The following CNBD1 variants were observed in gnomAD, a reference collection of about 807,000 sequenced individuals.
CNBD1 encodes the protein cyclic nucleotide-binding domain-containing protein 1.
A neutral mutation model predicts 54.4 loss-of-function variants in CNBD1; 71 were observed. That is an observed-to-expected ratio of 1.30 (90% CI 1.08 to 1.59). CNBD1 has a LOEUF of 1.59. Ranked by LOEUF, CNBD1 falls within the 40% of genes most tolerant of loss-of-function variation. CNBD1 has a pLI of 0.00. For missense variants in CNBD1, 659 were observed against 518.0 expected, an observed-to-expected ratio of 1.27 and a Z score of -2.64; for synonymous variants, 182 against 170.7, an observed-to-expected ratio of 1.07 and a Z score of -0.51.
At chr8:87,063,689 A>T (rs1586231404) in intron 4 of CNBD1, among the ~76,000 whole-genome samples, 1 of 151,998 alleles carries the variant, frequency 6.6e-6, no homozygotes, top group African/African-American at 2.4e-5. Context: ...TTATCTATAT[A>T]TTTATTTGAG....
At chr8:87,277,038 A>G (rs573673896) in intron 6 of CNBD1, among the ~76,000 whole-genome samples, 3 of 151,308 alleles carry the variant, frequency 2.0e-5, no homozygotes, top group Non-Finnish European at 4.4e-5. Flanking sequence ...TCCTTCTTAC[A>G]TTTATGAAAG....
intron 6 of CNBD1, among the ~76,000 whole-genome samples, chr8:87,263,170 TA>T (rs894761242): frequency 3.3e-5 from 5 of 152,176 alleles, no homozygotes; most frequent in Admixed American, 3.3e-4. Flanking sequence ...TTCTTCCAAT[TA>T]AAAATAATGT....
At chr8:87,280,048 T>G (rs1289182657) in intron 6 of CNBD1, among the ~76,000 whole-genome samples, 1 of 151,514 alleles carries the variant, frequency 6.6e-6, no homozygotes, top group Admixed American at 6.6e-5. Flanking sequence ...TCCAGAAAAT[T>G]TCTATTTAAG....
At position 87,416,192 on chromosome 8, in the gene CNBD1, A is replaced by T. The variant is rs549570658; in HGVS notation, c.214-12354A>T. Among the ~76,000 whole-genome samples, 3 of 152,156 alleles carry T rather than the reference A, an allele frequency of 2.0e-5. No homozygotes were observed. The South Asian group carries it at 6.2e-4, about 31-fold the overall frequency. On this transcript the variant is annotated intron_variant, in intron 2 of 7. Coordinates refer to the CNBD1 transcript ENST00000521593. Reference sequence around the variant, plus strand: ...AAACACACAAAAAATCCACAATTCTAATCAGGAATGTAATAAACCTCTTGC... The same window carrying T: ...AAACACACAAAAAATCCACAATTCTTATCAGGAATGTAATAAACCTCTTGC...
At chr8:87,149,996 A>G (rs1316384691) in intron 4 of CNBD1, among the ~76,000 whole-genome samples, 4 of 151,998 alleles carry the variant, frequency 2.6e-5, no homozygotes, top group African/African-American at 9.7e-5. Flanking sequence ...TAATACGGTA[A>G]AACCACGTCT....
At chr8:87,310,235 A>G (rs1291109601) in intron 8 of CNBD1, among the ~76,000 whole-genome samples, 1 of 152,096 alleles carries the variant, frequency 6.6e-6, no homozygotes, top group Admixed American at 6.6e-5. Context: ...CACATGCTAT[A>G]GTCCCAGCAC....
rs1218277434 is a variant in CNBD1, at chr8:87,136,991, T to TTA, written c.432-68994_432-68993dup. ...TATATATATTTATATTCTATGTAAA[T>TTA]TATATATATTTATATTCTATGTAAA... On this transcript the variant is annotated intron_variant, in intron 4 of 10. Transcript: ENST00000518476. Among the ~76,000 whole-genome samples, 8 of 86,370 alleles carry TTA rather than the reference T, an allele frequency of 9.3e-5. 1 individual carries two copies. Among genetic ancestry groups the TTA allele is most frequent in the African/African-American group, 3.6e-4 (8 of 22,232 alleles). 56.7% of individuals were successfully genotyped at this position (86,370 alleles called of 152,430 possible). A position where few individuals can be genotyped will look rare whatever the true frequency, so the allele number is the denominator to read the frequency against.
chr8:87,222,842 C>A (rs140729998), intron 5 of CNBD1, among the ~76,000 whole-genome samples: 1 of 152,214 alleles, frequency 6.6e-6, no homozygotes, highest in African/African-American at 2.4e-5. Context: ...TAGTTAAGAG[C>A]TATTTTCAAA....
intron 2 of CNBD1, among the ~76,000 whole-genome samples, chr8:87,426,386 C>T (rs147610855): frequency 1.7e-4 from 26 of 152,186 alleles, no homozygotes; most frequent in Admixed American, 3.3e-4. Flanking sequence ...ACATCATGAT[C>T]GGAGTAATGT....
At chr8:87,206,974 CATTTA>C (rs33932078) in intron 5 of CNBD1, among the ~76,000 whole-genome samples, 58,595 of 151,408 alleles carry the variant, frequency 0.39, 12,879 homozygotes, top group Non-Finnish European at 0.49. Context: ...AAGATCATGA[CATTTA>C]AAACTTAACT....
At chr8:86,884,091 G>A (rs1371725193) in intron 1 of CNBD1, among the ~76,000 whole-genome samples, 2 of 151,414 alleles carry the variant, frequency 1.3e-5, no homozygotes, top group South Asian at 4.2e-4. Flanking sequence ...GGCGGAGCTT[G>A]CAGTGAGCCG....
At chr8:87,020,175 C>A (rs558506907) in intron 4 of CNBD1, among the ~76,000 whole-genome samples, 2 of 151,798 alleles carry the variant, frequency 1.3e-5, no homozygotes, top group Non-Finnish European at 2.9e-5. Context: ...AGAAAAGGCA[C>A]GATTAAAGAC....
intron 4 of CNBD1, among the ~76,000 whole-genome samples, chr8:87,126,193 G>A (rs1258924443): frequency 6.6e-6 from 1 of 151,854 alleles, no homozygotes; most frequent in Non-Finnish European, 1.5e-5. Context: ...TAAATACCTA[G>A]GAGTGGAATA....
intron 4 of CNBD1, among the ~76,000 whole-genome samples, chr8:87,137,893 A>G (rs1025674707): frequency 6.6e-6 from 1 of 152,164 alleles, no homozygotes; most frequent in African/African-American, 2.4e-5. Flanking sequence ...TAGTGGAATG[A>G]AGAACTTTTC....
intron 4 of CNBD1, among the ~76,000 whole-genome samples, chr8:86,991,192 C>G (rs1478961295): frequency 6.6e-5 from 10 of 152,020 alleles, no homozygotes; most frequent in Non-Finnish European, 2.9e-5. Context: ...TGTGATTGCT[C>G]TGTCTACGAT....
rs527892995 is a variant in CNBD1, at chr8:87,420,870, C to A, written c.214-7676C>A. The stretch of plus-strand genomic sequence containing the variant: ...TTAACAATACAATAGAATTATAAGG[C>A]CATGTCTTATGATCCTTTTGTATCT... On this transcript the variant is annotated intron_variant, in intron 2 of 7. Transcript: ENST00000521593. Among the ~76,000 whole-genome samples, 817 of 151,660 alleles carry A rather than the reference C, an allele frequency of 5.4e-3. 6 individuals carry two copies. Among genetic ancestry groups the A allele is most frequent in the African/African-American group, 0.019 (773 of 41,366 alleles).
chr8:87,131,100 G>A (rs1812109792), intron 4 of CNBD1, among the ~76,000 whole-genome samples: 1 of 149,544 alleles, frequency 6.7e-6, no homozygotes, highest in South Asian at 2.1e-4. Context: ...ACCTCTTGCA[G>A]AATAGTTATG....
chr8:87,266,619 T>G (rs1349333687), intron 6 of CNBD1, among the ~76,000 whole-genome samples: 1 of 151,294 alleles, frequency 6.6e-6, no homozygotes, highest in Non-Finnish European at 1.5e-5. Flanking sequence ...CCCGGCTAAT[T>G]TTGTATTTTT....
intron 9 of CNBD1, among the ~76,000 whole-genome samples, chr8:87,352,924 G>T (rs1032295229): frequency 4.6e-5 from 7 of 152,048 alleles, no homozygotes; most frequent in African/African-American, 1.7e-4. Context: ...AAATGCTTTA[G>T]CCTCTTCCAA....
Sources: allele counts gnomAD v4.1 joint callset (sites outside exome capture counted in the v4.1 genomes callset), GRCh38; gene constraint gnomAD v4.1.1; transcripts MANE v1.5; gene names NCBI Gene and HGNC (gene_info 2026-07-23, HGNC 2026-07-21).